The following DLG2 variants were observed in gnomAD, a reference collection of about 807,000 sequenced individuals.
DLG2 encodes discs large MAGUK scaffold protein 2, also known as disks large homolog 2.
In DLG2, 45 loss-of-function variants were observed where a neutral mutation model predicts 132.5. That is an observed-to-expected ratio of 0.34 (90% CI 0.27 to 0.44). The LOEUF (loss-of-function observed/expected upper bound fraction) is 0.44, where lower values mean the gene tolerates loss of function less well. Ranked by LOEUF, DLG2 falls within the 20% of genes least tolerant of loss-of-function variation. The pLI is 1.00. For synonymous variants in DLG2, 424 were observed against 419.6 expected (o/e 1.01, Z -0.13); for missense variants, 1,045 against 1,196.9 (o/e 0.87, Z 1.87).
At chr11:85,436,371 C>G (rs554260615) in intron 3 of DLG2, among the ~76,000 whole-genome samples, 1 of 152,170 alleles carries the variant, frequency 6.6e-6, no homozygotes, top group South Asian at 2.1e-4. Context: ...AGCAAACAAC[C>G]ATCCTACAGA....
At chr11:83,686,813 T>C (rs897601565) in intron 18 of DLG2, among the ~76,000 whole-genome samples, 1 of 152,182 alleles carries the variant, frequency 6.6e-6, no homozygotes, top group Non-Finnish European at 1.5e-5. Flanking sequence ...ATTCCAGAGA[T>C]TGGTCAATGT....
At chr11:85,593,659 T>A (rs1188788999) in intron 3 of DLG2, among the ~76,000 whole-genome samples, 1 of 152,168 alleles carries the variant, frequency 6.6e-6, no homozygotes, top group Non-Finnish European at 1.5e-5. Flanking sequence ...ATTTAAATAA[T>A]CCTTCACTTC....
chr11:84,881,068 A>C (rs975096352), intron 6 of DLG2, among the ~76,000 whole-genome samples: 2 of 152,102 alleles, frequency 1.3e-5, no homozygotes, highest in Non-Finnish European at 1.5e-5. Flanking sequence ...TATTGTAACC[A>C]AACTGAAATA....
At chr11:85,212,939 C>A (rs1426982173) in intron 4 of DLG2, among the ~76,000 whole-genome samples, 2 of 152,140 alleles carry the variant, frequency 1.3e-5, no homozygotes, top group Non-Finnish European at 2.9e-5. Context: ...AAAACTGCTA[C>A]TGCCTTTGCT....
intron 6 of DLG2, among the ~76,000 whole-genome samples, chr11:84,577,998 C>T (rs900979572): frequency 6.6e-5 from 10 of 152,224 alleles, no homozygotes; most frequent in African/African-American, 2.2e-4. Flanking sequence ...CAATGTAGTA[C>T]ACAGGCTGTG....
chr11:83,740,117 T>C (rs892348344), intron 18 of DLG2, among the ~76,000 whole-genome samples: 21 of 152,202 alleles, frequency 1.4e-4, no homozygotes, highest in Admixed American at 1.1e-3. Flanking sequence ...TATTAAGCAG[T>C]TGCTCCTAAA....
intron 8 of DLG2, chr11:84,166,775 C>T: frequency 8.2e-6 from 3 of 366,436 alleles, no homozygotes; most frequent in South Asian, 4.5e-5. Flanking sequence ...TTATAAATGG[C>T]TCCCATCATC....
intron 6 of DLG2, among the ~76,000 whole-genome samples, chr11:84,733,771 G>A (rs1379339057): frequency 6.6e-6 from 1 of 152,134 alleles, no homozygotes; most frequent in Non-Finnish European, 1.5e-5. Flanking sequence ...ATGGTTTTAG[G>A]TCTAACACTT....
chr11:84,902,617 A>G (rs1175375787), intron 6 of DLG2, among the ~76,000 whole-genome samples: 2 of 152,032 alleles, frequency 1.3e-5, no homozygotes, highest in African/African-American at 2.4e-5. Context: ...TGTTATCCAC[A>G]CCTGTGATTT....
At chr11:84,406,372 G>T (rs1175784705) in intron 7 of DLG2, among the ~76,000 whole-genome samples, 2 of 152,110 alleles carry the variant, frequency 1.3e-5, no homozygotes, top group African/African-American at 2.4e-5. Flanking sequence ...AGGCTGGAGT[G>T]CAGTGGCATA....
Position 84,546,623 on chromosome 11 carries a change from G to A in DLG2, c.358-11892C>T, listed in dbSNP as rs1034371568. On this transcript the variant is annotated intron_variant, in intron 6 of 27. Coordinates refer to ENST00000376104, the MANE Select transcript of DLG2 (RefSeq NM_001142699.3). ...GACTCTCTCATACCTCATGTAGCAT[G>A]GCATTTAGGGCTGCATCCACCTCCT... 292 of 518,528 alleles carry A rather than the reference G, an allele frequency of 5.6e-4. 1 individual carries two copies. Among genetic ancestry groups the A allele is most frequent in the Non-Finnish European group, 3.5e-4 (94 of 267,712 alleles). 32.1% of individuals were successfully genotyped at this position (518,528 alleles called of 1,614,324 possible).
At chr11:83,773,456 G>A (rs369307121) in intron 18 of DLG2, among the ~76,000 whole-genome samples, 71 of 152,252 alleles carry the variant, frequency 4.7e-4, no homozygotes, top group African/African-American at 1.3e-3. Context: ...AGATCATTAC[G>A]AAATATGTTT....
chr11:84,867,277 G>C (rs189868881), intron 6 of DLG2, among the ~76,000 whole-genome samples: 7 of 152,184 alleles, frequency 4.6e-5, no homozygotes, highest in Non-Finnish European at 1.5e-5. Context: ...ACACGTGCTG[G>C]AAGTGTCTGA....
chr11:83,512,489 C>T (rs1392531133), intron 21 of DLG2, among the ~76,000 whole-genome samples: 1 of 151,960 alleles, frequency 6.6e-6, no homozygotes, highest in African/African-American at 2.4e-5. Flanking sequence ...TAACCAGCAA[C>T]TTTATACTGT....
chr11:85,347,756 C>CT lies in DLG2; in HGVS notation c.41-62392dup, dbSNP rs987049222. Among the ~76,000 whole-genome samples the CT allele has an allele frequency of 1.2e-4, 17 of 147,594 alleles. 1 individual carries two copies. The highest frequency in any genetic ancestry group is 3.3e-4 in the African/African-American group (13 of 39,866). On this transcript the variant is annotated intron_variant, in intron 3 of 27. Coordinates refer to ENST00000376104, the MANE Select transcript of DLG2 (RefSeq NM_001142699.3). Reference sequence around the variant, plus strand: ...CCCGTGTCTCCTACATAACTATTGACTTTTTCCCCCTATCAAGGGCATGGT... The same window carrying CT: ...CCCGTGTCTCCTACATAACTATTGACTTTTTTCCCCCTATCAAGGGCATGGT...
At chr11:85,416,894 A>T (rs2089907801) in intron 3 of DLG2, among the ~76,000 whole-genome samples, 1 of 152,294 alleles carries the variant, frequency 6.6e-6, no homozygotes, top group Admixed American at 6.5e-5. Flanking sequence ...GCAAACAGAG[A>T]CAATTTGACT....
At chr11:84,232,947 C>T (rs992293824) in intron 8 of DLG2, among the ~76,000 whole-genome samples, 44 of 152,230 alleles carry the variant, frequency 2.9e-4, no homozygotes, top group African/African-American at 1.0e-3. Context: ...AGAAAATAAC[C>T]ATTTAGGTGG....
chr11:84,099,170 A>G, intron 9 of DLG2, 123 bp from the exon 10 acceptor site: 1 of 861,920 alleles, frequency 1.2e-6, no homozygotes, highest in Non-Finnish European at 1.8e-6. Flanking sequence ...CTTGTATGCT[A>G]AATCATAAAG....
intron 7 of DLG2, among the ~76,000 whole-genome samples, chr11:84,430,801 T>C (rs1188674646): frequency 6.6e-6 from 1 of 152,178 alleles, no homozygotes; most frequent in Non-Finnish European, 1.5e-5. Context: ...ACCTTCCAGG[T>C]GACAGAGGAG....
Sources: allele counts gnomAD v4.1 joint callset (sites outside exome capture counted in the v4.1 genomes callset), GRCh38; gene constraint gnomAD v4.1.1; transcripts MANE v1.5; gene names NCBI Gene and HGNC (gene_info 2026-07-23, HGNC 2026-07-21).